AFF2: variants seen among roughly 807,000 people sequenced by gnomAD.
AFF2 encodes ALF transcription elongation factor 2.
Under a neutral mutation model 76.9 loss-of-function variants are expected in AFF2, and 14 were observed. That is an observed-to-expected ratio of 0.18 (90% CI 0.12 to 0.28). The LOEUF (loss-of-function observed/expected upper bound fraction) is 0.28. Ranked by LOEUF, AFF2 falls within the 10% of genes least tolerant of loss-of-function variation. AFF2 has a pLI of 1.00. For missense variants in AFF2, 868 were observed against 1,001.1 expected (o/e 0.87, Z 1.79); for synonymous variants, 398 against 366.7 (o/e 1.09, Z -0.98).
At chrX:148,834,505 A>ATG (rs61709112) in intron 4 of AFF2, among the ~76,000 whole-genome samples, 1,883 of 91,671 alleles carry the variant, frequency 0.021, 29 homozygotes, top group African/African-American at 0.051. Flanking sequence ...CCAGTCTCAG[A>ATG]TGTGTGTGTG....
At chrX:148,783,359 T>A (rs1408047512) in intron 3 of AFF2, among the ~76,000 whole-genome samples, 2 of 111,773 alleles carry the variant, frequency 1.8e-5, no homozygotes, top group African/African-American at 6.5e-5. Flanking sequence ...ACCATTTTTT[T>A]TTTATTTTTT....
chrX:148,839,894 GGTGTGTGTGTGTGTGTGT>G (rs200060298), intron 5 of AFF2, among the ~76,000 whole-genome samples: 25 of 87,022 alleles, frequency 2.9e-4, no homozygotes, highest in African/African-American at 8.6e-4. Context: ...GTTGGGGCAT[GGTGTGTGTGTGTGTGTGT>G]GTGTGTGTGT....
At chrX:148,770,189 C>T (rs2069569276) in intron 3 of AFF2, among the ~76,000 whole-genome samples, 1 of 111,435 alleles carries the variant, frequency 9.0e-6, no homozygotes, top group African/African-American at 3.3e-5. Flanking sequence ...ATGCGTGTGG[C>T]ATGATATTCA....
chrX:148,825,007 T>C (rs1213752304), intron 4 of AFF2, among the ~76,000 whole-genome samples: 1 of 111,099 alleles, frequency 9.0e-6, no homozygotes, highest in East Asian at 2.8e-4. Flanking sequence ...CATTGCACAC[T>C]ACTCACTCTG....
intron 3 of AFF2, among the ~76,000 whole-genome samples, chrX:148,693,013 G>C (rs2054669550): frequency 9.0e-6 from 1 of 111,379 alleles, no homozygotes; most frequent in Non-Finnish European, 1.9e-5. Context: ...CCACCTCCTG[G>C]GTTTACGCCA....
intron 3 of AFF2, among the ~76,000 whole-genome samples, chrX:148,688,602 C>T (rs782725903): frequency 9.0e-6 from 1 of 111,303 alleles, no homozygotes; most frequent in Non-Finnish European, 1.9e-5. Flanking sequence ...TAGCACAGAA[C>T]GTAGCACTTA....
chrX:148,589,996 T>C (rs1371397784), intron 1 of AFF2, among the ~76,000 whole-genome samples: 2 of 102,638 alleles, frequency 1.9e-5, no homozygotes, highest in Non-Finnish European at 4.0e-5. Flanking sequence ...GCCCTATTGT[T>C]CAATGGATTG....
chrX:148,621,185 G>T (rs1466470094), intron 1 of AFF2, among the ~76,000 whole-genome samples: 1 of 111,732 alleles, frequency 8.9e-6, no homozygotes, highest in Non-Finnish European at 1.9e-5. Context: ...CCCTTTTATT[G>T]GACGAGCTTG....
At position 148,844,870 on chromosome X, in the gene AFF2, T is replaced by C. The variant is rs140357656; in HGVS notation, c.1262+1437T>C. 7.9e-3 allele frequency among the ~76,000 whole-genome samples: 882 copies of C among 111,687 alleles called. 8 individuals carry two copies. The highest frequency in any genetic ancestry group is 0.025 in the African/African-American group (759 of 30,676). The stretch of plus-strand genomic sequence containing the variant: ...AATTTCAACAACCAAGAATTCTCAA[T>C]TTTAAGAAGCAAGAAAAAACAAGAG... On this transcript the variant is annotated intron_variant, in intron 7 of 20. Coordinates refer to ENST00000370460, the MANE Select transcript of AFF2 (RefSeq NM_002025.4).
At chrX:148,944,641 A>G (rs1327529113) in intron 9 of AFF2, among the ~76,000 whole-genome samples, 4 of 111,435 alleles carry the variant, frequency 3.6e-5, no homozygotes, top group African/African-American at 1.3e-4. Context: ...AATTATTTCC[A>G]TAGAAACCGA....
intron 9 of AFF2, among the ~76,000 whole-genome samples, chrX:148,951,895 CT>C (rs2071972897): frequency 9.0e-6 from 1 of 111,701 alleles, no homozygotes. Context: ...TCCCTAATCT[CT>C]TGATGTACTT....
intron 1 of AFF2, among the ~76,000 whole-genome samples, chrX:148,634,397 CG>C (rs1210446951): frequency 9.0e-6 from 1 of 111,464 alleles, no homozygotes; most frequent in Non-Finnish European, 1.9e-5. Context: ...CCAAGTAAAA[CG>C]TAAGAGGGCA....
At position 148,958,331 on chromosome X, in the gene AFF2, T is replaced by A. The variant is rs2072066754; in HGVS notation, c.2569-6T>A. The A allele has an allele frequency of 1.7e-6, 2 of 1,211,172 alleles. No homozygotes were observed. Among genetic ancestry groups the A allele is most frequent in the Non-Finnish European group, 2.2e-6 (2 of 895,198 alleles). The stretch of plus-strand genomic sequence containing the variant: ...CAAGCTCTGTGTATTTTTTTCCCTG[T>A]TAAAGCCAATAGAAGTTGCAGAGAA... On this transcript the variant is annotated splice_polypyrimidine_tract_variant and splice_region_variant and intron_variant, in intron 11 of 20. Transcript: ENST00000370460.
intron 19 of AFF2, among the ~76,000 whole-genome samples, chrX:148,981,000 C>G (rs782820468): frequency 5.4e-5 from 6 of 111,734 alleles, no homozygotes; most frequent in Non-Finnish European, 1.1e-4. Flanking sequence ...GATCTTTAAG[C>G]CAAATTATAG....
chrX:148,768,784 G>T (rs1215351401), intron 3 of AFF2, among the ~76,000 whole-genome samples: 1 of 111,845 alleles, frequency 8.9e-6, no homozygotes, highest in Non-Finnish European at 1.9e-5. Context: ...ACATGTTTTT[G>T]TTCATTGTTT....
At chrX:148,965,003 G>T (rs1332535070) in intron 13 of AFF2, among the ~76,000 whole-genome samples, 7 of 112,671 alleles carry the variant, frequency 6.2e-5, no homozygotes, top group Non-Finnish European at 1.1e-4. Flanking sequence ...CAGAGATTGG[G>T]CAGAAAGCTG....
chrX:148,832,973 C>T (rs1018599728), intron 4 of AFF2, among the ~76,000 whole-genome samples: 1 of 111,519 alleles, frequency 9.0e-6, no homozygotes. Context: ...TTTGAAAAAT[C>T]GCCCTAATCA....
At chrX:148,798,487 G>T (rs1557270708) in intron 3 of AFF2, among the ~76,000 whole-genome samples, 1 of 112,376 alleles carries the variant, frequency 8.9e-6, no homozygotes, top group African/African-American at 3.2e-5. Flanking sequence ...TGTCATTTGG[G>T]ATTATTTCCT....
intron 3 of AFF2, among the ~76,000 whole-genome samples, chrX:148,689,532 A>G (rs1249306218): frequency 1.8e-5 from 2 of 110,339 alleles, no homozygotes; most frequent in Admixed American, 1.9e-4. Flanking sequence ...GGTCCCCAGG[A>G]CCACTCCTGG....
Sources: allele counts gnomAD v4.1 joint callset (sites outside exome capture counted in the v4.1 genomes callset), GRCh38; gene constraint gnomAD v4.1.1; transcripts MANE v1.5; gene names NCBI Gene and HGNC (gene_info 2026-07-23, HGNC 2026-07-21).